Variants in PRPSAP2 observed in about 807,000 individuals in gnomAD.
PRPSAP2 encodes phosphoribosyl pyrophosphate synthase-associated protein 2.
PRPSAP2 carries 24 observed loss-of-function variants against 40.6 expected under a neutral mutation model. The observed-to-expected ratio is 0.59, with a 90% CI of 0.43 to 0.83. The LOEUF (loss-of-function observed/expected upper bound fraction) is 0.83, where lower values mean the gene tolerates loss of function less well. PRPSAP2 is among the 40% of genes least tolerant of loss of function. The pLI is 0.00. For missense variants in PRPSAP2, 292 were observed against 465.6 expected, an observed-to-expected ratio of 0.63 and a Z score of 3.43; for synonymous variants, 149 against 164.7, an observed-to-expected ratio of 0.90 and a Z score of 0.73.
chr17:18,858,106 T>TCCCCGCCCCCGCCCC (rs2036720747), upstream of PRPSAP2: 1 of 151,560 alleles, frequency 6.6e-6, no homozygotes, highest in Non-Finnish European at 1.5e-5. Context: ...AGTCCCGCCC[T>TCCCCGCCCCCGCCCC]CGCCCCTCCC....
intron 4 of PRPSAP2, among the ~76,000 whole-genome samples, chr17:18,869,341 C>CTTTTT (rs545524445): frequency 5.0e-5 from 7 of 140,400 alleles, no homozygotes; most frequent in East Asian, 2.1e-4. Context: ...CTTTTCTTTT[C>CTTTTT]TTTTTTTTTT....
chr17:18,928,716 C>G, intron 10 of PRPSAP2, 95 bp from the exon 11 acceptor site: 1 of 1,528,200 alleles, frequency 6.5e-7, no homozygotes, highest in Admixed American at 1.7e-5. Context: ...AGATTTTTCA[C>G]GGTAAATGTA....
intron 9 of PRPSAP2, among the ~76,000 whole-genome samples, chr17:18,916,453 G>A (rs1040037634): frequency 1.3e-5 from 2 of 148,406 alleles, no homozygotes; most frequent in Non-Finnish European, 3.0e-5. Flanking sequence ...TTGGCTCACC[G>A]CAACTTCCAC....
At chr17:18,894,143 A>G (rs1310356795) in intron 8 of PRPSAP2, among the ~76,000 whole-genome samples, 2 of 149,952 alleles carry the variant, frequency 1.3e-5, no homozygotes, top group East Asian at 3.9e-4. Context: ...GTGAGCCACC[A>G]TGCAGGCCTC....
chr17:18,918,328 T>A (rs1254741431), intron 9 of PRPSAP2, among the ~76,000 whole-genome samples: 2 of 152,182 alleles, frequency 1.3e-5, no homozygotes, highest in African/African-American at 4.8e-5. Flanking sequence ...GGACCCATGA[T>A]AGGCCAAGAT....
chr17:18,882,383 C>T (rs2038823168), intron 6 of PRPSAP2, among the ~76,000 whole-genome samples, 185 bp from the exon 7 acceptor site: 1 of 151,790 alleles, frequency 6.6e-6, no homozygotes, highest in African/African-American at 2.4e-5. Flanking sequence ...TGGTGGCATG[C>T]ACCTGTATTC....
intron 7 of PRPSAP2, among the ~76,000 whole-genome samples, chr17:18,884,243 G>A (rs1345022952): frequency 6.6e-6 from 1 of 151,822 alleles, no homozygotes; most frequent in Non-Finnish European, 1.5e-5. Context: ...CTCCTGCCTG[G>A]GTGACAGAGC....
chr17:18,865,795 CT>C lies in PRPSAP2; in HGVS notation c.-32-5del. The C allele has an allele frequency of 7.0e-7, 1 of 1,430,160 alleles. No homozygotes were observed. The highest frequency in any genetic ancestry group is 9.3e-7 in the Non-Finnish European group (1 of 1,073,332). 88.6% of individuals were successfully genotyped at this position (1,430,160 alleles called of 1,614,324 possible). A position where few individuals can be genotyped will look rare whatever the true frequency, so the allele number is the denominator to read the frequency against. The stretch of plus-strand genomic sequence containing the variant: ...GGCAGTTTTTAATAAGTATTATATC[CT>C]TCTAGGCTCTGAAAATTGGAAAACC... On this transcript the variant is annotated splice_region_variant and splice_polypyrimidine_tract_variant and intron_variant, in intron 2 of 11. Transcript: ENST00000268835.
intron 5 of PRPSAP2, among the ~76,000 whole-genome samples, chr17:18,874,929 C>A (rs1289147227): frequency 6.6e-6 from 1 of 152,148 alleles, no homozygotes; most frequent in Non-Finnish European, 1.5e-5. Flanking sequence ...GATAAATGCA[C>A]AGAGGTTGTG....
At chr17:18,878,706 C>G (rs1484865170) in intron 6 of PRPSAP2, among the ~76,000 whole-genome samples, 1 of 151,892 alleles carries the variant, frequency 6.6e-6, no homozygotes, top group Non-Finnish European at 1.5e-5. Flanking sequence ...TACAGGCATG[C>G]GCCACCACGC....
chr17:18,878,711 C>T (rs889395014), intron 6 of PRPSAP2, among the ~76,000 whole-genome samples: 6 of 152,074 alleles, frequency 3.9e-5, no homozygotes, highest in African/African-American at 1.4e-4. Context: ...GCATGCGCCA[C>T]CACGCCCGGC....
intron 9 of PRPSAP2, among the ~76,000 whole-genome samples, chr17:18,912,906 A>G (rs1211954618): frequency 6.6e-6 from 1 of 152,220 alleles, no homozygotes; most frequent in Non-Finnish European, 1.5e-5. Flanking sequence ...CAACCAGACA[A>G]ACAACATTAA....
intron 4 of PRPSAP2, among the ~76,000 whole-genome samples, chr17:18,869,653 CTA>C (rs1376254216): frequency 2.0e-5 from 3 of 150,586 alleles, no homozygotes; most frequent in Non-Finnish European, 4.4e-5. Flanking sequence ...CAGGTGTGAG[CTA>C]CACACACACA....
chr17:18,862,140 G>A (rs2037070492), intron 1 of PRPSAP2, among the ~76,000 whole-genome samples: 1 of 152,122 alleles, frequency 6.6e-6, no homozygotes. Flanking sequence ...CGCCTGCCTC[G>A]CTCTCCCAAT....
At chr17:18,898,693 C>CA (rs1300988786) in intron 8 of PRPSAP2, among the ~76,000 whole-genome samples, 1 of 152,058 alleles carries the variant, frequency 6.6e-6, no homozygotes, top group East Asian at 1.9e-4. Context: ...CTTTAGTTTT[C>CA]AAAAGTTTAA....
At chr17:18,914,249 C>CTTTTTTTTTTTTTTTTTTTTTTTTTTTT (rs60892883) in intron 9 of PRPSAP2, among the ~76,000 whole-genome samples, 2 of 48,088 alleles carry the variant, frequency 4.2e-5, no homozygotes, top group South Asian at 1.2e-3. Context: ...CATGTTTTTG[C>CTTTTTTTTTTTTTTTTTTTTTTTTTTTT]TTTTTTTTTT....
chr17:18,910,716 T>C (rs1456929183), intron 8 of PRPSAP2, among the ~76,000 whole-genome samples: 1 of 152,254 alleles, frequency 6.6e-6, no homozygotes, highest in Non-Finnish European at 1.5e-5. Flanking sequence ...AAATTTGTGC[T>C]TAATACTTTG....
intron 6 of PRPSAP2, 127 bp from the exon 7 acceptor site, chr17:18,882,441 T>A (rs2038828212): frequency 3.0e-6 from 2 of 668,054 alleles, no homozygotes; most frequent in East Asian, 5.0e-5. Flanking sequence ...AGCCTAGGAG[T>A]TCAAGGCTGC....
chr17:18,898,992 C>T (rs2040096492), intron 8 of PRPSAP2, among the ~76,000 whole-genome samples: 2 of 152,124 alleles, frequency 1.3e-5, no homozygotes. Flanking sequence ...GCAACCTCTG[C>T]CTCTTGGGTT....
Sources: allele counts gnomAD v4.1 joint callset (sites outside exome capture counted in the v4.1 genomes callset), GRCh38; gene constraint gnomAD v4.1.1; transcripts MANE v1.5; gene names NCBI Gene and HGNC (gene_info 2026-07-23, HGNC 2026-07-21).